XPA: variants seen among roughly 807,000 people sequenced by gnomAD.
XPA encodes the protein XPA, DNA damage recognition and repair factor.
In XPA, 27 loss-of-function variants were observed where a neutral mutation model predicts 35.7. The ratio of observed to expected loss-of-function variants is 0.76; its 90% CI spans 0.56 to 1.04. The LOEUF is 1.04. XPA is among the 50% of genes least tolerant of loss of function. The pLI is 0.00. For synonymous variants in XPA, 133 were observed against 118.4 expected, an observed-to-expected ratio of 1.12 and a Z score of -0.80; for missense variants, 354 against 342.7, an observed-to-expected ratio of 1.03 and a Z score of -0.26.
At chr9:97,680,652 G>A (rs1192132282) in intron 5 of XPA, among the ~76,000 whole-genome samples, 1 of 151,950 alleles carries the variant, frequency 6.6e-6, no homozygotes, top group Non-Finnish European at 1.5e-5. Context: ...GTCAACATCA[G>A]GTAAATAAAA....
In XPA at chr9:97,689,582, T is replaced by C. The variant is rs1442427159; in HGVS notation, c.341A>G (p.Asp114Gly). The change falls in exon 3 of 6, where the codon GAT (aspartate) becomes GGT (glycine). Residue 114 changes from aspartate (D) to glycine (G), a missense_variant. Transcript: ENST00000375128. ...ICEECGKEFMDSYLMNHFDLP... is the reference protein window; with the variant it reads ...ICEECGKEFMGSYLMNHFDLP... ...ATCAAAGTGGTTCATAAGATAAGAA[T>C]CCATAAATTCTTTCCCACATTCTTC... The C allele has an allele frequency of 6.2e-7, 1 of 1,613,180 alleles. No individual in the cohort carries two copies. Among genetic ancestry groups the C allele is most frequent in the Non-Finnish European group, 8.5e-7 (1 of 1,179,506 alleles).
intron 5 of XPA, among the ~76,000 whole-genome samples, chr9:97,677,210 A>G (rs1828393826): frequency 6.6e-6 from 1 of 151,326 alleles, no homozygotes; most frequent in Non-Finnish European, 1.5e-5. Context: ...TCTGAATACT[A>G]AAAAAAAATA....
the XPA span, among the ~76,000 whole-genome samples, chr9:97,657,478 T>A: frequency 1.3e-5 from 2 of 152,232 alleles, 1 homozygote; most frequent in South Asian, 4.1e-4. Context: ...TAGAGGCACA[T>A]GATTCCCACC....
downstream of XPA, chr9:97,671,545 G>C: frequency 5.9e-6 from 1 of 168,538 alleles, no homozygotes; most frequent in Non-Finnish European, 1.3e-5. Flanking sequence ...GAACTGATGG[G>C]TTTACCCAGC....
the XPA span, among the ~76,000 whole-genome samples, chr9:97,667,251 T>C: frequency 6.6e-6 from 1 of 152,186 alleles, no homozygotes; most frequent in Non-Finnish European, 1.5e-5. Flanking sequence ...TTCCCCGTAC[T>C]GTGAGGAGGA....
At chr9:97,670,893 C>A (rs1336300364), downstream of XPA, among the ~76,000 whole-genome samples, 1 of 152,116 alleles carries the variant, frequency 6.6e-6, no homozygotes, top group Non-Finnish European at 1.5e-5. Context: ...TATTGAGCAT[C>A]CATTTTTTTC....
At chr9:97,686,982 A>G in intron 4 of XPA, 114 bp downstream of exon 4, 1 of 1,064,764 alleles carries the variant, frequency 9.4e-7, no homozygotes, top group South Asian at 1.5e-5. Flanking sequence ...GCATATGCAA[A>G]ACTAGGGAAA....
chr9:97,684,391 A>G lies in XPA; in HGVS notation c.673+532T>C, dbSNP rs3176696. The stretch of plus-strand genomic sequence containing the variant: ...GCATGGATAGAGAAATGACTACTTC[A>G]TGGAGACTTTCAGTCAAAAAACCCT... On this transcript the variant is annotated intron_variant, in intron 5 of 5. Coordinates refer to ENST00000375128, the MANE Select transcript of XPA (RefSeq NM_000380.4). 9.3e-4 allele frequency among the ~76,000 whole-genome samples: 142 copies of G among 152,324 alleles called. 4 individuals are homozygous for G. The South Asian group carries it at 0.029, about 31-fold the overall frequency.
the XPA span, chr9:97,664,299 A>G: frequency 4.9e-6 from 6 of 1,233,112 alleles, no homozygotes; most frequent in African/African-American, 3.1e-5. Context: ...ATGTGTGTGT[A>G]TGTGTGTGTG....
chr9:97,654,507 A>G, the XPA span, among the ~76,000 whole-genome samples: 1 of 152,020 alleles, frequency 6.6e-6, no homozygotes, highest in African/African-American at 2.4e-5. Context: ...AGCAGATGCC[A>G]TTGGAAAAAT....
the XPA span, chr9:97,654,935 G>T: frequency 6.2e-7 from 1 of 1,603,084 alleles, no homozygotes. Flanking sequence ...AACACTACCT[G>T]TGTAGACAGG....
At chr9:97,664,283 A>T in the XPA span, 47 of 1,108,758 alleles carry the variant, frequency 4.2e-5, no homozygotes, top group Non-Finnish European at 6.2e-5. Context: ...GTGGTGGCAC[A>T]TATATATGTG....
intron 1 of XPA, among the ~76,000 whole-genome samples, chr9:97,695,000 A>G (rs1828999119): frequency 6.6e-6 from 1 of 152,244 alleles, no homozygotes; most frequent in African/African-American, 2.4e-5. Flanking sequence ...CAGATACTGT[A>G]TGACTCAATG....
the XPA span, among the ~76,000 whole-genome samples, chr9:97,661,326 C>T: frequency 6.6e-6 from 1 of 152,156 alleles, no homozygotes; most frequent in Non-Finnish European, 1.5e-5. Context: ...GGATTTTTAA[C>T]CCCTGCTTTC....
At chr9:97,671,446 A>G (rs904936543), downstream of XPA, 4 of 386,568 alleles carry the variant, frequency 1.0e-5, no homozygotes, top group Non-Finnish European at 1.9e-5. Flanking sequence ...ATTCTCTGTG[A>G]TCAGTTTGTT....
the XPA span, among the ~76,000 whole-genome samples, chr9:97,664,067 T>C: frequency 6.6e-6 from 1 of 151,920 alleles, no homozygotes; most frequent in Admixed American, 6.6e-5. Flanking sequence ...TAATCTGAGC[T>C]GCTCAGGAGG....
intron 5 of XPA, among the ~76,000 whole-genome samples, chr9:97,680,983 C>T (rs1253917665): frequency 2.0e-5 from 3 of 152,168 alleles, no homozygotes; most frequent in Non-Finnish European, 4.4e-5. Flanking sequence ...TAAGGACTGC[C>T]TTTCATGGAA....
the XPA span, chr9:97,655,915 CTTGTAAG>C: frequency 1.5e-6 from 2 of 1,375,582 alleles, no homozygotes; most frequent in East Asian, 4.7e-5. Context: ...CTTAACAAAA[CTTGTAAG>C]TTGTTATAAG....
intron 1 of XPA, among the ~76,000 whole-genome samples, chr9:97,693,989 C>T (rs1019349232): frequency 3.3e-5 from 5 of 152,218 alleles, no homozygotes; most frequent in African/African-American, 4.8e-5. Context: ...CATCTATTCA[C>T]AGATGATGTA....
Sources: allele counts gnomAD v4.1 joint callset (sites outside exome capture counted in the v4.1 genomes callset), GRCh38; gene constraint gnomAD v4.1.1; transcripts MANE v1.5; gene names NCBI Gene and HGNC (gene_info 2026-07-23, HGNC 2026-07-21).